The following KMT2C variants were observed in gnomAD, a reference collection of about 807,000 sequenced individuals.
KMT2C encodes the protein histone-lysine N-methyltransferase 2C.
Under a neutral mutation model 507.9 loss-of-function variants are expected in KMT2C, and 88 were observed. That is an observed-to-expected ratio of 0.17 (90% CI 0.15 to 0.21). The LOEUF (loss-of-function observed/expected upper bound fraction) is 0.21. KMT2C is among the 10% of genes least tolerant of loss of function. The probability of loss-of-function intolerance (pLI) is 1.00; values close to 1 mark genes in which losing one functional copy is unlikely to be tolerated. For synonymous variants in KMT2C, 2,049 were observed against 2,080.8 expected, an observed-to-expected ratio of 0.98 and a Z score of 0.42; for missense variants, 4,954 against 5,957.8, an observed-to-expected ratio of 0.83 and a Z score of 5.55.
rs746100920 is a variant in KMT2C, at chr7:152,148,776, T to C, written c.13151A>G (p.Lys4384Arg). 1.9e-6 allele frequency: 3 copies of C among 1,614,266 alleles called. No homozygotes were observed. In the South Asian group the frequency reaches 3.3e-5, roughly 18 times the overall value. ...AGGTTTAAGGGAAGTGCCCAATTTC[T>C]TTAGAAATTCATCTATTTCATCCTC... ...PCEDEIDEFL[K>R]KLGTSLKPDP... Residue 4384 changes from lysine to arginine, a missense_variant, in exon 52 of 59, where the codon AAG becomes AGG. By Grantham distance (26) the Lys-to-Arg change is conservative. Coordinates refer to ENST00000262189, the MANE Select transcript of KMT2C (RefSeq NM_170606.3). The surrounding 1 kb of genome is among the most constrained non-coding windows in gnomAD (Gnocchi z 7.1).
At chr7:152,295,638 C>A (rs757891642) in intron 6 of KMT2C, among the ~76,000 whole-genome samples, 3 of 151,884 alleles carry the variant, frequency 2.0e-5, no homozygotes, top group Non-Finnish European at 4.4e-5. Context: ...TTTTTCCTTC[C>A]TACAGATTTC....
At chr7:152,198,513 A>G (rs1327124055) in intron 27 of KMT2C, among the ~76,000 whole-genome samples, 3 of 152,242 alleles carry the variant, frequency 2.0e-5, no homozygotes, top group Non-Finnish European at 2.9e-5. Flanking sequence ...TACAATTGAC[A>G]GAACCATAGG....
intron 40 of KMT2C, among the ~76,000 whole-genome samples, chr7:152,169,551 T>C (rs1214587417): frequency 6.6e-6 from 1 of 152,198 alleles, no homozygotes; most frequent in East Asian, 1.9e-4. Flanking sequence ...CTGCTAATAC[T>C]AAGCGAGAGA....
At chr7:152,342,342 G>A (rs2097003289) in intron 2 of KMT2C, among the ~76,000 whole-genome samples, 1 of 152,080 alleles carries the variant, frequency 6.6e-6, no homozygotes, top group African/African-American at 2.4e-5. Flanking sequence ...TATTATTTAT[G>A]AGACATATTT....
chr7:152,172,236 A>G (rs567034076), intron 39 of KMT2C, among the ~76,000 whole-genome samples: 66 of 152,316 alleles, frequency 4.3e-4, no homozygotes, highest in African/African-American at 1.5e-3. Context: ...CTAACTCAAC[A>G]TATCACACTA....
chr7:152,410,154 G>A (rs1381922622), intron 1 of KMT2C, among the ~76,000 whole-genome samples: 1 of 151,994 alleles, frequency 6.6e-6, no homozygotes, highest in Non-Finnish European at 1.5e-5. Context: ...GCTCATGCCG[G>A]TAATCCTAGC....
At chr7:152,310,276 C>T (rs2096658754) in intron 5 of KMT2C, among the ~76,000 whole-genome samples, 1 of 152,138 alleles carries the variant, frequency 6.6e-6, no homozygotes, top group Non-Finnish European at 1.5e-5. Flanking sequence ...CTGAGAAATT[C>T]TTAGAAATAC....
chr7:152,307,274 A>AAAGAAAGGAAGG, intron 6 of KMT2C, among the ~76,000 whole-genome samples: 2 of 96,368 alleles, frequency 2.1e-5, no homozygotes, highest in South Asian at 3.3e-4. Context: ...AGGAAGGAAG[A>AAAGAAAGGAAGG]AAGAAAGGAA....
chr7:152,321,819 A>C (rs895991253), intron 3 of KMT2C, among the ~76,000 whole-genome samples: 1 of 151,980 alleles, frequency 6.6e-6, no homozygotes, highest in African/African-American at 2.4e-5. Flanking sequence ...GGAAGAATTA[A>C]TACTGTGAAA....
chr7:152,138,727 C>G lies in KMT2C; in HGVS notation c.14643+69G>C. On this transcript the variant is annotated intron_variant, in intron 58 of 58. Transcript: ENST00000262189. The surrounding 1 kb of genome is among the most constrained non-coding windows in gnomAD (Gnocchi z 4.2). ...ATTGGGAAACAAGTGAGTAAGTGAC[C>G]TGTGTGAGGAGGGAACTATTCGCCC... 1 of 930,456 alleles carries G rather than the reference C, an allele frequency of 1.1e-6. No individual in the cohort carries two copies. The highest frequency in any genetic ancestry group is 1.7e-6 in the Non-Finnish European group (1 of 598,308). The allele number at this position is 930,456 out of a possible 1,614,324, so 57.6% of individuals were successfully genotyped here. A position where few individuals can be genotyped will look rare whatever the true frequency, so the allele number is the denominator to read the frequency against.
At chr7:152,194,999 C>A (rs1453132282) in intron 28 of KMT2C, among the ~76,000 whole-genome samples, 1 of 151,944 alleles carries the variant, frequency 6.6e-6, no homozygotes, top group Non-Finnish European at 1.5e-5. Flanking sequence ...AATGAAAAGC[C>A]CTAAAATGCT....
At position 152,178,014 on chromosome 7, in the gene KMT2C, T is replaced by TAAA; in HGVS notation, c.7443-5_7443-4insTTT. On this transcript the variant is annotated splice_polypyrimidine_tract_variant and splice_region_variant and intron_variant, in intron 37 of 58. Transcript: ENST00000262189. ...ACTACCTCCTGGAAATCCAAATCTT[T>TAAA]TAAAAAAAAAAAAAAAAAAAAAAAA... The TAAA allele has an allele frequency of 8.9e-7, 1 of 1,129,684 alleles. No individual in the cohort carries two copies. Among genetic ancestry groups the TAAA allele is most frequent in the Non-Finnish European group, 1.1e-6 (1 of 936,116 alleles). 70.0% of individuals were successfully genotyped at this position (1,129,684 alleles called of 1,614,324 possible). A position where few individuals can be genotyped will look rare whatever the true frequency, so the allele number is the denominator to read the frequency against.
intron 3 of KMT2C, 26 bp from the exon 4 acceptor site, chr7:152,315,364 A>G: frequency 1.3e-6 from 2 of 1,570,152 alleles, no homozygotes; most frequent in East Asian, 2.2e-5. Flanking sequence ...TGTAAGTCAG[A>G]GAAGGAGAAA....
chr7:152,163,475 C>T lies in KMT2C; in HGVS notation c.10102G>A (p.Gly3368Arg), dbSNP rs1309234144. The T allele has an allele frequency of 9.3e-6, 15 of 1,614,020 alleles. No homozygotes were observed. Among genetic ancestry groups the T allele is most frequent in the African/African-American group, 1.3e-5 (1 of 74,884 alleles). Residue 3368 changes from glycine to arginine, a missense_variant, in exon 43 of 59, where the codon GGG (glycine) becomes AGG (arginine). Physicochemically the swap from Gly to Arg is moderately radical, Grantham distance 125. Around this residue, in one of 29 missense-constraint regions of KMT2C, gnomAD observed 801 missense variants for 751.2 expected, o/e 1.07. Transcript: ENST00000262189. ...TGTGGATTTGCATTTGAGACTGTCC[C>T]TGGGGCTGGTGTACAAGTTTTTATT... The part of the protein sequence containing the change: ...LPIKTCTPAP[G>R]TVSNANPQSG...
intron 6 of KMT2C, among the ~76,000 whole-genome samples, chr7:152,282,118 C>T (rs1447220024): frequency 4.0e-5 from 6 of 151,886 alleles, no homozygotes; most frequent in Non-Finnish European, 4.4e-5. Flanking sequence ...ATGGTGAAAC[C>T]CCATTTCTAC....
chr7:152,159,481 G>A (rs969616926), intron 43 of KMT2C, among the ~76,000 whole-genome samples: 2 of 152,148 alleles, frequency 1.3e-5, no homozygotes, highest in Non-Finnish European at 2.9e-5. Context: ...TTCCCCTTAG[G>A]AACTAGTGAA....
intron 1 of KMT2C, among the ~76,000 whole-genome samples, chr7:152,413,648 G>A (rs1393066340): frequency 6.6e-6 from 1 of 151,036 alleles, no homozygotes; most frequent in Non-Finnish European, 1.5e-5. Flanking sequence ...ACTTTGGGAG[G>A]CCGAGGCAGG....
At chr7:152,297,037 GAAAGAAAGAAAGAAAGAC>G (rs2096511067) in intron 6 of KMT2C, among the ~76,000 whole-genome samples, 1 of 95,502 alleles carries the variant, frequency 1.0e-5, no homozygotes, top group Non-Finnish European at 2.0e-5. Flanking sequence ...AAGAAAGAAA[GAAAGAAAGAAAGAAAGAC>G]AGAGAGAGAG....
At chr7:152,365,054 T>C (rs1386936952) in intron 1 of KMT2C, among the ~76,000 whole-genome samples, 1 of 151,832 alleles carries the variant, frequency 6.6e-6, no homozygotes, top group Non-Finnish European at 1.5e-5. Context: ...AAAATACACA[T>C]TGCTTAAAGG....
Sources: gnomAD v4.1 joint callset for allele counts (sites outside exome capture counted in the v4.1 genomes callset) on GRCh38, gnomAD v4.1.1 for gene constraint, gnomAD v4.1.1 regional missense constraint, Gnocchi (gnomAD v3.1) non-coding constraint, MANE v1.5 for transcripts, NCBI Gene and HGNC (gene_info 2026-07-23, HGNC 2026-07-21) for gene names.